Variants in SGCZ observed in about 807,000 individuals in gnomAD.
The protein encoded by SGCZ is zeta-sarcoglycan.
Under a neutral mutation model 41.3 loss-of-function variants are expected in SGCZ, and 40 were observed. The observed-to-expected ratio is 0.97, with a 90% CI of 0.75 to 1.26. The LOEUF (loss-of-function observed/expected upper bound fraction) is 1.26, where lower values mean the gene tolerates loss of function less well. SGCZ is among the 50% of genes most tolerant of loss of function. The pLI is 0.00. For synonymous variants in SGCZ, 206 were observed against 137.5 expected (o/e 1.50, Z -3.49); for missense variants, 552 against 369.8 (o/e 1.49, Z -4.04).
At chr8:14,577,332 T>C (rs778975259) in intron 1 of SGCZ, among the ~76,000 whole-genome samples, 2 of 150,874 alleles carry the variant, frequency 1.3e-5, no homozygotes, top group Non-Finnish European at 3.0e-5. Context: ...CATTATCAAA[T>C]GAAGCCAACA....
chr8:14,312,026 C>G (rs1331742225), intron 3 of SGCZ, among the ~76,000 whole-genome samples: 1 of 152,074 alleles, frequency 6.6e-6, no homozygotes, highest in Non-Finnish European at 1.5e-5. Flanking sequence ...CACAAACTTA[C>G]TGAATGAGTT....
chr8:14,905,649 A>G (rs902850760), intron 1 of SGCZ, among the ~76,000 whole-genome samples: 4 of 152,138 alleles, frequency 2.6e-5, no homozygotes, highest in African/African-American at 4.8e-5. Flanking sequence ...TGTTTATCAT[A>G]GTGTCAAATA....
chr8:14,888,997 T>A (rs375251906), intron 1 of SGCZ, among the ~76,000 whole-genome samples: 2 of 152,166 alleles, frequency 1.3e-5, no homozygotes, highest in African/African-American at 4.8e-5. Flanking sequence ...TTGCCAATTT[T>A]CAAAACCTAC....
intron 1 of SGCZ, among the ~76,000 whole-genome samples, chr8:14,667,896 TA>T (rs1234715169): frequency 6.6e-6 from 1 of 152,168 alleles, no homozygotes; most frequent in Non-Finnish European, 1.5e-5. Flanking sequence ...CTCTCTTAGA[TA>T]CCTAGAGTTT....
At chr8:14,167,658 G>C (rs1011206106) in intron 4 of SGCZ, among the ~76,000 whole-genome samples, 14 of 152,100 alleles carry the variant, frequency 9.2e-5, no homozygotes, top group African/African-American at 3.4e-4. Flanking sequence ...TTAGATATAT[G>C]TGCAAATATT....
intron 1 of SGCZ, among the ~76,000 whole-genome samples, chr8:14,974,865 A>G (rs1257571930): frequency 6.7e-5 from 2 of 29,764 alleles, no homozygotes; most frequent in South Asian, 1.1e-3. Context: ...TGATTTTAGG[A>G]AAAAAAAAAA....
At chr8:14,939,341 T>C (rs58685458) in intron 1 of SGCZ, among the ~76,000 whole-genome samples, 30,274 of 152,012 alleles carry the variant, frequency 0.2, 4,074 homozygotes, top group African/African-American at 0.39. Flanking sequence ...CTGTTAAGCA[T>C]CTACCTTGCT....
chr8:14,408,597 A>C (rs1563310116), intron 2 of SGCZ, among the ~76,000 whole-genome samples: 1 of 152,206 alleles, frequency 6.6e-6, no homozygotes, highest in Non-Finnish European at 1.5e-5. Flanking sequence ...TATATAAATC[A>C]GTTTATATCA....
At chr8:14,687,492 A>T (rs1016679512) in intron 1 of SGCZ, among the ~76,000 whole-genome samples, 22 of 151,578 alleles carry the variant, frequency 1.5e-4, no homozygotes, top group Non-Finnish European at 2.5e-4. Flanking sequence ...ATGATTTCCA[A>T]TTTCATCCAT....
intron 1 of SGCZ, among the ~76,000 whole-genome samples, chr8:15,001,238 A>T (rs968794324): frequency 5.3e-5 from 8 of 152,222 alleles, no homozygotes; most frequent in Admixed American, 3.3e-4. Context: ...GATGAACTGT[A>T]TCGTCACATT....
chr8:14,358,911 G>T lies in SGCZ; in HGVS notation c.235-34707C>A, dbSNP rs534557671. Among the ~76,000 whole-genome samples the T allele has an allele frequency of 2.1e-4, 32 of 152,120 alleles. 1 individual carries two copies. The South Asian group carries it at 6.2e-3, about 30-fold the overall frequency. On this transcript the variant is annotated intron_variant, in intron 2 of 7. Coordinates refer to ENST00000382080, the MANE Select transcript of SGCZ (RefSeq NM_139167.4). ...GACGTGAGCCACTGCACCTGGCCAG[G>T]TATAGTATTCTTTAAGGGCAAATAA... is the stretch of plus-strand genomic sequence containing the variant.
chr8:14,710,108 T>G (rs1809465717), intron 1 of SGCZ, among the ~76,000 whole-genome samples: 1 of 151,990 alleles, frequency 6.6e-6, no homozygotes, highest in Admixed American at 6.6e-5. Context: ...GGCTCACGCC[T>G]GTAATCCCAG....
At chr8:14,714,343 A>G (rs1328111524) in intron 1 of SGCZ, among the ~76,000 whole-genome samples, 1 of 152,222 alleles carries the variant, frequency 6.6e-6, no homozygotes, top group Non-Finnish European at 1.5e-5. Flanking sequence ...AAAAAGTAAC[A>G]GTATCATAGT....
intron 3 of SGCZ, among the ~76,000 whole-genome samples, chr8:14,249,250 T>A (rs1037016017): frequency 6.6e-6 from 1 of 152,184 alleles, no homozygotes; most frequent in African/African-American, 2.4e-5. Flanking sequence ...CTCTTGCTTT[T>A]GAATTCAGAT....
intron 2 of SGCZ, among the ~76,000 whole-genome samples, chr8:14,334,997 G>A (rs1290822595): frequency 6.6e-6 from 1 of 152,092 alleles, no homozygotes; most frequent in East Asian, 1.9e-4. Context: ...CTTCTGAGCT[G>A]GGACTGAGGA....
chr8:14,565,552 T>C (rs1219207269), intron 1 of SGCZ, among the ~76,000 whole-genome samples: 1 of 151,996 alleles, frequency 6.6e-6, no homozygotes, highest in African/African-American at 2.4e-5. Flanking sequence ...AGACACTCAT[T>C]GGTGAGTCCT....
chr8:15,185,513 G>T (rs944901229), intron 1 of SGCZ, among the ~76,000 whole-genome samples: 2 of 152,004 alleles, frequency 1.3e-5, no homozygotes, highest in African/African-American at 4.8e-5. Context: ...CTACTCACTT[G>T]ATATATGAGA....
At chr8:14,789,974 A>G (rs1489977953) in intron 1 of SGCZ, among the ~76,000 whole-genome samples, 1 of 152,204 alleles carries the variant, frequency 6.6e-6, no homozygotes, top group Non-Finnish European at 1.5e-5. Context: ...ATAAATGTAC[A>G]TTGATTAAAT....
chr8:14,696,635 C>T (rs549961424), intron 1 of SGCZ, among the ~76,000 whole-genome samples: 11 of 152,110 alleles, frequency 7.2e-5, no homozygotes, highest in African/African-American at 9.6e-5. Flanking sequence ...TCCATTTATT[C>T]AGCCTCTCTT....
Sources: gnomAD v4.1 joint callset for allele counts (sites outside exome capture counted in the v4.1 genomes callset) on GRCh38, gnomAD v4.1.1 for gene constraint, MANE v1.5 for transcripts, NCBI Gene and HGNC (gene_info 2026-07-23, HGNC 2026-07-21) for gene names.